CHCHD3: variants seen among roughly 807,000 people sequenced by gnomAD.
CHCHD3 encodes MICOS complex subunit MIC19.
In CHCHD3, 20 loss-of-function variants were observed where a neutral mutation model predicts 38.2. That is an observed-to-expected ratio of 0.52 (90% CI 0.37 to 0.76). The LOEUF is 0.76. Among genes scored for constraint, CHCHD3 ranks in the 30% least tolerant of loss-of-function variants. The probability of loss-of-function intolerance (pLI) is 0.00; values close to 1 mark genes in which losing one functional copy is unlikely to be tolerated. For synonymous variants in CHCHD3, 82 were observed against 100.0 expected (o/e 0.82, Z 1.07); for missense variants, 245 against 279.2 (o/e 0.88, Z 0.87).
intron 4 of CHCHD3, among the ~76,000 whole-genome samples, chr7:132,970,963 A>T (rs10954400): frequency 0.56 from 84,443 of 151,858 alleles, 25,272 homozygotes; most frequent in Non-Finnish European, 0.68. Context: ...ATTAAAATTT[A>T]AAAAATCTAA....
intron 5 of CHCHD3, among the ~76,000 whole-genome samples, chr7:132,843,107 G>A (rs551119216): frequency 1.3e-5 from 2 of 152,152 alleles, no homozygotes; most frequent in East Asian, 1.9e-4. Context: ...GCACAATCTC[G>A]GCTCACTGCA....
At chr7:133,080,369 T>C (rs1438961872) in intron 1 of CHCHD3, among the ~76,000 whole-genome samples, 8 of 152,262 alleles carry the variant, frequency 5.3e-5, no homozygotes, top group Admixed American at 4.6e-4. Context: ...ATACTTGATA[T>C]GAATCTCTGT....
intron 2 of CHCHD3, among the ~76,000 whole-genome samples, chr7:133,033,245 G>A (rs1813549956): frequency 6.6e-6 from 1 of 152,088 alleles, no homozygotes. Context: ...CATACTTTCT[G>A]TTTATATATA....
At chr7:132,997,217 A>G (rs887588216) in intron 3 of CHCHD3, among the ~76,000 whole-genome samples, 2 of 152,200 alleles carry the variant, frequency 1.3e-5, no homozygotes, top group Admixed American at 6.5e-5. Context: ...GAACGGCTGT[A>G]GGTGTTCAAG....
chr7:132,984,954 T>G, intron 3 of CHCHD3, among the ~76,000 whole-genome samples: 1 of 72,082 alleles, frequency 1.4e-5, no homozygotes, highest in Non-Finnish European at 2.8e-5. Context: ...GAGGGGCGCC[T>G]CTGCCCGGCC....
At chr7:132,951,064 A>C (rs1011486808) in intron 4 of CHCHD3, among the ~76,000 whole-genome samples, 3 of 152,202 alleles carry the variant, frequency 2.0e-5, no homozygotes, top group Non-Finnish European at 4.4e-5. Context: ...AAACAGCAAG[A>C]GTTTCTCTTT....
intron 5 of CHCHD3, chr7:132,849,055 T>C (rs1456936277): frequency 6.6e-6 from 1 of 152,220 alleles, no homozygotes; most frequent in Non-Finnish European, 1.5e-5. Flanking sequence ...TTAAACTGAG[T>C]CTCGCTTTTT....
intron 2 of CHCHD3, chr7:133,034,883 G>C: frequency 1.2e-6 from 2 of 1,610,466 alleles, no homozygotes; most frequent in Non-Finnish European, 1.7e-6. Context: ...CCAGTCGCTG[G>C]AACATTCCAG....
At chr7:132,947,410 G>GA (rs921465879) in intron 4 of CHCHD3, among the ~76,000 whole-genome samples, 3 of 150,742 alleles carry the variant, frequency 2.0e-5, no homozygotes, top group Admixed American at 6.6e-5. Context: ...TTGGAGTAAA[G>GA]AAAAAAAACT....
At chr7:132,844,430 G>C (rs1481864667) in intron 5 of CHCHD3, among the ~76,000 whole-genome samples, 2 of 152,218 alleles carry the variant, frequency 1.3e-5, no homozygotes, top group Non-Finnish European at 2.9e-5. Flanking sequence ...GTCCTTTACA[G>C]TCTAAAATAA....
chr7:132,925,307 G>C (rs527257414), intron 4 of CHCHD3, among the ~76,000 whole-genome samples: 1 of 152,080 alleles, frequency 6.6e-6, no homozygotes, highest in Admixed American at 6.6e-5. Context: ...CCTGATTATA[G>C]TGCAAAGCTG....
chr7:132,980,356 T>C (rs1811886978), intron 3 of CHCHD3, among the ~76,000 whole-genome samples: 1 of 152,258 alleles, frequency 6.6e-6, no homozygotes, highest in Admixed American at 6.5e-5. Context: ...CCAAGTATCT[T>C]AGAGAATACA....
chr7:133,081,262 C>T (rs1436178850), intron 1 of CHCHD3, among the ~76,000 whole-genome samples: 1 of 151,986 alleles, frequency 6.6e-6, no homozygotes, highest in Non-Finnish European at 1.5e-5. Context: ...ACAGAGGAGG[C>T]GCCTGGGAAA....
At chr7:132,975,021 C>A in intron 4 of CHCHD3, 148 bp downstream of exon 4, 1 of 639,482 alleles carries the variant, frequency 1.6e-6, no homozygotes, top group South Asian at 2.2e-5. Flanking sequence ...CTGTAAGCTA[C>A]TTATAAAAGG....
chr7:133,077,724 C>T (rs1307675866), intron 1 of CHCHD3, among the ~76,000 whole-genome samples: 1 of 152,160 alleles, frequency 6.6e-6, no homozygotes, highest in Non-Finnish European at 1.5e-5. Flanking sequence ...TCTTTCCTCT[C>T]TAGGAATTTA....
intron 5 of CHCHD3, among the ~76,000 whole-genome samples, chr7:132,844,845 C>T (rs919658816): frequency 6.6e-6 from 1 of 152,134 alleles, no homozygotes; most frequent in Non-Finnish European, 1.5e-5. Flanking sequence ...ATTTCTGTCA[C>T]CTATTTTAAT....
intron 4 of CHCHD3, among the ~76,000 whole-genome samples, chr7:132,890,438 G>A (rs1008673179): frequency 1.2e-4 from 18 of 152,036 alleles, no homozygotes; most frequent in African/African-American, 4.3e-4. Context: ...GCATTACTAC[G>A]CCCTTTTAGC....
intron 6 of CHCHD3, among the ~76,000 whole-genome samples, chr7:132,799,207 G>T (rs966238375): frequency 1.3e-5 from 2 of 152,152 alleles, no homozygotes; most frequent in Non-Finnish European, 2.9e-5. Flanking sequence ...TAAGGGTAAA[G>T]GTTTGCCTCT....
At chr7:132,869,245 C>T (rs565775343) in intron 5 of CHCHD3, among the ~76,000 whole-genome samples, 41 of 152,308 alleles carry the variant, frequency 2.7e-4, no homozygotes, top group African/African-American at 9.6e-4. Context: ...CCAAATGTCA[C>T]AACCACAACC....
Sources: allele counts gnomAD v4.1 joint callset (sites outside exome capture counted in the v4.1 genomes callset), GRCh38; gene constraint gnomAD v4.1.1; transcripts MANE v1.5; gene names NCBI Gene and HGNC (gene_info 2026-07-23, HGNC 2026-07-21).